Variants in KLHL1 observed in about 807,000 individuals in gnomAD.
The protein encoded by KLHL1 is kelch-like protein 1.
Under a neutral mutation model 77.7 loss-of-function variants are expected in KLHL1, and 47 were observed. The ratio of observed to expected loss-of-function variants is 0.60; its 90% CI spans 0.48 to 0.77. The LOEUF (loss-of-function observed/expected upper bound fraction) is 0.77. Among genes scored for constraint, KLHL1 ranks in the 30% least tolerant of loss-of-function variants. The pLI, the probability that KLHL1 is intolerant of heterozygous loss-of-function variation, is 0.00. For synonymous variants in KLHL1, 360 were observed against 325.2 expected (o/e 1.11, Z -1.15); for missense variants, 925 against 910.8 (o/e 1.02, Z -0.20).
intron 3 of KLHL1, among the ~76,000 whole-genome samples, chr13:69,955,907 T>A (rs1390075149): frequency 1.5e-5 from 2 of 134,488 alleles, no homozygotes; most frequent in Admixed American, 8.2e-5. Flanking sequence ...TATTTATATA[T>A]ATTTGATATA....
intron 3 of KLHL1, among the ~76,000 whole-genome samples, chr13:69,949,728 A>G (rs1371119710): frequency 6.6e-6 from 1 of 151,792 alleles, no homozygotes; most frequent in Non-Finnish European, 1.5e-5. Flanking sequence ...TCAATTATTT[A>G]TATCAGTCAT....
intron 6 of KLHL1, among the ~76,000 whole-genome samples, chr13:69,807,038 T>G (rs889776537): frequency 2.6e-5 from 4 of 152,158 alleles, no homozygotes; most frequent in African/African-American, 9.7e-5. Flanking sequence ...ATGTCATTTT[T>G]GGGAGTTTAA....
chr13:69,714,714 C>T (rs1438627624), intron 9 of KLHL1, among the ~76,000 whole-genome samples: 1 of 151,922 alleles, frequency 6.6e-6, no homozygotes, highest in Non-Finnish European at 1.5e-5. Flanking sequence ...CCACCTCAGC[C>T]TCCCAAGTAG....
Position 69,796,868 on chromosome 13 carries a change from A to C in KLHL1, c.1509T>G (p.Val503=). Residue 503 remains valine, a synonymous_variant, in exon 7 of 11, where the codon GTT becomes GTG. Coordinates refer to ENST00000377844, the MANE Select transcript of KLHL1 (RefSeq NM_020866.3). ...CAATTACAAAGAGTTTGTCATCAATAACAGCCACACCAAACTGCAGCCTTC... is the reference window on the plus strand; with the variant it reads ...CAATTACAAAGAGTTTGTCATCAATCACAGCCACACCAAACTGCAGCCTTC... ...NGRRLQFGVA[V]IDDKLFVIGG... is the part of the protein sequence containing the mutation. The C allele has an allele frequency of 6.2e-7, 1 of 1,614,132 alleles. No homozygotes were observed. Among genetic ancestry groups the C allele is most frequent in the Non-Finnish European group, 8.5e-7 (1 of 1,180,006 alleles).
rs190338674 is a variant in KLHL1 at position 70,067,061 on chromosome 13, T to G, written c.497+40142A>C. Among the ~76,000 whole-genome samples the G allele has an allele frequency of 1.9e-3, 292 of 152,284 alleles. 2 individuals carry two copies. Among genetic ancestry groups the G allele is most frequent in the African/African-American group, 6.7e-3 (278 of 41,566 alleles). ...AAATAACATTAAGAGAACGAAGTCC[T>G]GTACTCCAGTTTCCGCAAGATTCAG... On this transcript the variant is annotated intron_variant, in intron 1 of 10. Coordinates refer to ENST00000377844, the MANE Select transcript of KLHL1 (RefSeq NM_020866.3).
chr13:69,701,278 G>A lies in KLHL1; in HGVS notation c.*424C>T, dbSNP rs1875379846. Reference sequence around the variant, plus strand: ...ACAGTAAACCAATCAGATACTGTCAGATGAAATATTCTGTCTTCTACTCTT... The same window carrying A: ...ACAGTAAACCAATCAGATACTGTCAAATGAAATATTCTGTCTTCTACTCTT... On this transcript the variant is annotated 3_prime_UTR_variant, in exon 11 of 11. Coordinates refer to ENST00000377844, the MANE Select transcript of KLHL1 (RefSeq NM_020866.3). 6.5e-6 allele frequency: 1 copy of A among 154,228 alleles called. No homozygotes were observed. The highest frequency in any genetic ancestry group is 1.4e-5 in the Non-Finnish European group (1 of 69,348). The allele number at this position is 154,228 out of a possible 1,614,324, so 9.6% of individuals were successfully genotyped here. A position where few individuals can be genotyped will look rare whatever the true frequency, so the allele number is the denominator to read the frequency against.
chr13:70,033,508 T>A (rs1278710459), intron 1 of KLHL1, among the ~76,000 whole-genome samples: 1 of 151,152 alleles, frequency 6.6e-6, no homozygotes, highest in Admixed American at 6.6e-5. Context: ...GGGGTTTCAC[T>A]GTGTTAGCCA....
intron 6 of KLHL1, among the ~76,000 whole-genome samples, chr13:69,799,606 T>C (rs540843689): frequency 1.3e-5 from 2 of 152,342 alleles, no homozygotes; most frequent in Admixed American, 6.5e-5. Context: ...CTATGGCTAC[T>C]GTTAAGAATA....
At chr13:70,013,114 A>C (rs1885577291) in intron 1 of KLHL1, among the ~76,000 whole-genome samples, 1 of 152,150 alleles carries the variant, frequency 6.6e-6, no homozygotes, top group African/African-American at 2.4e-5. Context: ...GGCCAAGTAC[A>C]TCAAATTCTG....
intron 4 of KLHL1, among the ~76,000 whole-genome samples, chr13:69,926,531 C>G (rs1882819134): frequency 6.6e-6 from 1 of 152,102 alleles, no homozygotes; most frequent in African/African-American, 2.4e-5. Context: ...TCTGAATTAT[C>G]TGTAGACTAA....
chr13:69,728,321 C>G (rs1873391564), intron 8 of KLHL1, among the ~76,000 whole-genome samples: 3 of 152,096 alleles, frequency 2.0e-5, no homozygotes, highest in Non-Finnish European at 4.4e-5. Context: ...AATGGAAAAA[C>G]AACAGACAAT....
At chr13:69,993,071 C>G (rs1400320893) in intron 1 of KLHL1, among the ~76,000 whole-genome samples, 1 of 151,950 alleles carries the variant, frequency 6.6e-6, no homozygotes, top group Non-Finnish European at 1.5e-5. Flanking sequence ...ATTTATTTGC[C>G]TATATATACA....
chr13:69,852,600 A>T (rs1416885021), intron 5 of KLHL1, among the ~76,000 whole-genome samples: 1 of 152,002 alleles, frequency 6.6e-6, no homozygotes, highest in African/African-American at 2.4e-5. Context: ...GAAGATGGAG[A>T]AAAAATTTTA....
At chr13:69,768,081 A>T (rs1052767987) in intron 7 of KLHL1, among the ~76,000 whole-genome samples, 5 of 152,076 alleles carry the variant, frequency 3.3e-5, no homozygotes, top group Non-Finnish European at 7.4e-5. Context: ...CTTATGTTGC[A>T]CTCTGTGCTG....
chr13:69,970,010 T>C (rs994282055), intron 2 of KLHL1, among the ~76,000 whole-genome samples: 6 of 152,198 alleles, frequency 3.9e-5, no homozygotes, highest in Non-Finnish European at 8.8e-5. Flanking sequence ...AAATCTATTT[T>C]TTAGCGAAAG....
intron 6 of KLHL1, among the ~76,000 whole-genome samples, chr13:69,817,871 TAC>T (rs1237241223): frequency 6.6e-6 from 1 of 152,214 alleles, no homozygotes; most frequent in Non-Finnish European, 1.5e-5. Context: ...TCTGCATTCA[TAC>T]AGTCTTCATT....
rs141478799 is a variant in KLHL1, at chr13:70,030,017, A to G, written c.498-54215T>C. On this transcript the variant is annotated intron_variant, in intron 1 of 10. Coordinates refer to ENST00000377844, the MANE Select transcript of KLHL1 (RefSeq NM_020866.3). ...AGAGAAGTCCATTACATAATGGTAA[A>G]GGGATCAATTCAACAAGAAGAGCTA... Among the ~76,000 whole-genome samples the G allele has an allele frequency of 2.8e-3, 426 of 152,366 alleles. 5 individuals are homozygous for G. Among genetic ancestry groups the G allele is most frequent in the African/African-American group, 9.9e-3 (412 of 41,586 alleles).
chr13:69,706,880 A>ACT (rs56317930), intron 10 of KLHL1, among the ~76,000 whole-genome samples: 33,450 of 151,670 alleles, frequency 0.22, 4,784 homozygotes, highest in African/African-American at 0.4. Flanking sequence ...TTCCCATCAC[A>ACT]CACACACACC....
chr13:69,826,247 A>T (rs115103943), intron 6 of KLHL1, among the ~76,000 whole-genome samples: 2,203 of 152,280 alleles, frequency 0.014, 51 homozygotes, highest in African/African-American at 0.049. Context: ...GTTAGAGATC[A>T]ATTATATAAT....
Sources: allele counts gnomAD v4.1 joint callset (sites outside exome capture counted in the v4.1 genomes callset), GRCh38; gene constraint gnomAD v4.1.1; transcripts MANE v1.5; gene names NCBI Gene and HGNC (gene_info 2026-07-23, HGNC 2026-07-21).